Variants in NEBL observed in about 807,000 individuals in gnomAD.
NEBL encodes LIM and SH3 protein 2.
A neutral mutation model predicts 140.2 loss-of-function variants in NEBL; 122 were observed. The observed-to-expected ratio is 0.87, with a 90% CI of 0.75 to 1.01. The LOEUF is 1.01. Among genes scored for constraint, NEBL ranks in the 50% least tolerant of loss-of-function variants. NEBL has a pLI of 0.00. For missense variants in NEBL, 1,365 were observed against 1,231.3 expected, an observed-to-expected ratio of 1.11 and a Z score of -1.62; for synonymous variants, 436 against 398.9, an observed-to-expected ratio of 1.09 and a Z score of -1.11.
chr10:21,016,934 T>G (rs1258824459), intron 3 of NEBL, among the ~76,000 whole-genome samples: 2 of 152,234 alleles, frequency 1.3e-5, no homozygotes, highest in African/African-American at 4.8e-5. Flanking sequence ...CCATAATGAC[T>G]TCTTCCTACT....
rs182704251 is a variant in NEBL, at chr10:21,243,833, C to T, written n.348+4088G>A. Among the ~76,000 whole-genome samples, 8 of 149,714 alleles carry T rather than the reference C, an allele frequency of 5.3e-5. No homozygotes were observed. The South Asian group carries it at 8.4e-4, about 16-fold the overall frequency. Reference sequence around the variant, plus strand: ...CGTACAGATAGCACAGTAGAAACAGCGAAAGAAAAGTTTATTCCCAGGTCC... The same window carrying T: ...CGTACAGATAGCACAGTAGAAACAGTGAAAGAAAAGTTTATTCCCAGGTCC... On this transcript the variant is annotated intron_variant and non_coding_transcript_variant, in intron 3 of 8. Transcript: ENST00000675702.
At chr10:20,884,049 G>C (rs1247334111) in intron 4 of NEBL, among the ~76,000 whole-genome samples, 2 of 152,244 alleles carry the variant, frequency 1.3e-5, no homozygotes, top group South Asian at 2.1e-4. Context: ...TTCATACTTT[G>C]AGAACTGAGA....
At chr10:21,033,987 G>A (rs539491811) in intron 2 of NEBL, among the ~76,000 whole-genome samples, 39 of 151,276 alleles carry the variant, frequency 2.6e-4, no homozygotes, top group African/African-American at 9.0e-4. Flanking sequence ...GCAAAATAGC[G>A]AAAACTCATC....
chr10:21,129,794 T>C (rs1486360786), intron 2 of NEBL, among the ~76,000 whole-genome samples: 1 of 151,552 alleles, frequency 6.6e-6, no homozygotes, highest in Non-Finnish European at 1.5e-5. Context: ...AAATGCACAA[T>C]TAAAACCGTA....
chr10:21,200,112 T>G (rs1179509459), intron 3 of NEBL, among the ~76,000 whole-genome samples: 1 of 151,920 alleles, frequency 6.6e-6, no homozygotes, highest in East Asian at 1.9e-4. Context: ...GGTGTTTCCA[T>G]TTCTGCCCCA....
intron 2 of NEBL, among the ~76,000 whole-genome samples, chr10:21,063,826 C>T (rs1261869382): frequency 3.3e-5 from 5 of 151,978 alleles, no homozygotes; most frequent in African/African-American, 4.8e-5. Context: ...GCCAAGGTCA[C>T]GCCACTGCAC....
intron 2 of NEBL, among the ~76,000 whole-genome samples, chr10:21,079,056 C>G (rs1310926642): frequency 6.6e-6 from 1 of 152,212 alleles, no homozygotes; most frequent in Non-Finnish European, 1.5e-5. Flanking sequence ...ACAGCAAATG[C>G]CCTCCTCTTA....
chr10:20,994,535 T>C (rs903927522), intron 3 of NEBL, among the ~76,000 whole-genome samples: 2 of 152,140 alleles, frequency 1.3e-5, no homozygotes, highest in African/African-American at 4.8e-5. Flanking sequence ...GGCCGTAATA[T>C]AAAAAGCCAA....
intron 6 of NEBL, 69 bp from the exon 7 acceptor site, chr10:20,868,834 C>CA (rs5783755): frequency 5.5e-4 from 381 of 689,846 alleles, no homozygotes; most frequent in East Asian, 2.3e-3. Context: ...TGACATTAGC[C>CA]AAAAAAAAAA....
intron 4 of NEBL, among the ~76,000 whole-genome samples, chr10:20,921,297 G>A (rs1465159440): frequency 6.6e-6 from 1 of 152,132 alleles, no homozygotes; most frequent in East Asian, 1.9e-4. Flanking sequence ...CTCCGGCCCA[G>A]CTCCATTATT....
chr10:20,851,743 C>T (rs1280990288), intron 10 of NEBL, among the ~76,000 whole-genome samples: 1 of 152,050 alleles, frequency 6.6e-6, no homozygotes, highest in Admixed American at 6.5e-5. Context: ...CGAGATCACG[C>T]CATTGCACTC....
chr10:21,174,192 A>C, upstream of NEBL: 1 of 288,686 alleles, frequency 3.5e-6, no homozygotes, highest in African/African-American at 2.3e-5. Flanking sequence ...CGCAGGCCAA[A>C]CCCACCGGCG....
chr10:20,985,081 G>A (rs1837203652), intron 3 of NEBL, among the ~76,000 whole-genome samples: 1 of 152,154 alleles, frequency 6.6e-6, no homozygotes, highest in African/African-American at 2.4e-5. Context: ...ATGATGCTGA[G>A]TTGTATAATT....
At chr10:21,292,324 G>A (rs1203645477) in intron 1 of NEBL, among the ~76,000 whole-genome samples, 1 of 152,132 alleles carries the variant, frequency 6.6e-6, no homozygotes, top group Non-Finnish European at 1.5e-5. Flanking sequence ...CCATTAAAGG[G>A]TATTAAATGA....
At chr10:21,113,242 G>C (rs561548010) in intron 2 of NEBL, 2 of 283,932 alleles carry the variant, frequency 7.0e-6, no homozygotes, top group Non-Finnish European at 1.3e-5. Context: ...TTTCCACCAT[G>C]GAAAAGACTC....
At chr10:21,167,141 G>A (rs1840812635) in intron 2 of NEBL, among the ~76,000 whole-genome samples, 1 of 152,158 alleles carries the variant, frequency 6.6e-6, no homozygotes, top group African/African-American at 2.4e-5. Flanking sequence ...TCTTGCAGGC[G>A]GTAGAAAGTC....
chr10:21,104,577 T>A (rs935052752), intron 2 of NEBL, among the ~76,000 whole-genome samples: 1 of 152,236 alleles, frequency 6.6e-6, no homozygotes, highest in Non-Finnish European at 1.5e-5. Context: ...TATTGGCTTA[T>A]ATACTGCATT....
At chr10:21,264,482 C>CA (rs1339900371) in intron 1 of NEBL, among the ~76,000 whole-genome samples, 1 of 151,944 alleles carries the variant, frequency 6.6e-6, no homozygotes, top group African/African-American at 2.4e-5. Flanking sequence ...GTGTTGTCCT[C>CA]AACTCTCCTT....
At chr10:20,855,534 A>AAAC (rs1221733298) in intron 9 of NEBL, among the ~76,000 whole-genome samples, 4 of 151,840 alleles carry the variant, frequency 2.6e-5, no homozygotes, top group Non-Finnish European at 5.9e-5. Context: ...ACAAAAAAAA[A>AAAC]ACGAAGGAAA....
Sources: allele counts gnomAD v4.1 joint callset (sites outside exome capture counted in the v4.1 genomes callset), GRCh38; gene constraint gnomAD v4.1.1; transcripts MANE v1.5; gene names NCBI Gene and HGNC (gene_info 2026-07-23, HGNC 2026-07-21).